GPR89A: variants seen among roughly 807,000 people sequenced by gnomAD.
GPR89A encodes golgi pH regulator A, also known as G protein-coupled receptor 89A.
A neutral mutation model predicts 52.0 loss-of-function variants in GPR89A; 16 were observed. The observed-to-expected ratio is 0.31, with a 90% CI of 0.21 to 0.47. The LOEUF (loss-of-function observed/expected upper bound fraction) is 0.47. GPR89A is among the 20% of genes least tolerant of loss of function. The probability of loss-of-function intolerance (pLI) is 1.00; values close to 1 mark genes in which losing one functional copy is unlikely to be tolerated. For missense variants in GPR89A, 135 were observed against 449.4 expected, an observed-to-expected ratio of 0.30 and a Z score of 6.33; for synonymous variants, 55 against 150.9, an observed-to-expected ratio of 0.36 and a Z score of 4.66.
At chr1:145,668,479 G>A (rs1387972224) in intron 12 of GPR89A, among the ~76,000 whole-genome samples, 1 of 152,130 alleles carries the variant, frequency 6.6e-6, no homozygotes, top group African/African-American at 2.4e-5. Flanking sequence ...GGGCTGAGAC[G>A]ATGGGGTTTT....
intron 3 of GPR89A, among the ~76,000 whole-genome samples, chr1:145,621,987 A>G (rs1649172296): frequency 6.7e-6 from 1 of 149,202 alleles, no homozygotes; most frequent in Admixed American, 6.7e-5. Context: ...AGGAAAATGT[A>G]AAATGATGCA....
At chr1:145,627,417 A>G (rs1447944792) in intron 5 of GPR89A, among the ~76,000 whole-genome samples, 2 of 151,800 alleles carry the variant, frequency 1.3e-5, no homozygotes, top group Non-Finnish European at 2.9e-5. Flanking sequence ...TGAACACCTC[A>G]TATGTGCCAA....
At chr1:145,639,402 A>G (rs587749449) in intron 7 of GPR89A, among the ~76,000 whole-genome samples, 1 of 152,274 alleles carries the variant, frequency 6.6e-6, no homozygotes, top group South Asian at 2.1e-4. Flanking sequence ...AGTAATCAAG[A>G]CTGTGGTACT....
intron 2 of GPR89A, among the ~76,000 whole-genome samples, chr1:145,617,178 T>C (rs1648765298): frequency 6.6e-6 from 1 of 152,030 alleles, no homozygotes; most frequent in Non-Finnish European, 1.5e-5. Flanking sequence ...TTCATAGACC[T>C]CTCTCCCAGA....
At chr1:145,640,026 C>T (rs1313605130) in intron 7 of GPR89A, among the ~76,000 whole-genome samples, 3 of 151,562 alleles carry the variant, frequency 2.0e-5, no homozygotes, top group South Asian at 2.1e-4. Context: ...AAGACTAGAC[C>T]GGCGAACATG....
chr1:145,649,258 ATGAGATTCC>A (rs1174592263), intron 10 of GPR89A, among the ~76,000 whole-genome samples: 2 of 151,954 alleles, frequency 1.3e-5, no homozygotes, highest in African/African-American at 4.8e-5. Flanking sequence ...CATCACTGCC[ATGAGATTCC>A]TGAGATTCCT....
intron 3 of GPR89A, among the ~76,000 whole-genome samples, chr1:145,619,483 A>C (rs192182432): frequency 2.0e-3 from 304 of 151,574 alleles, no homozygotes; most frequent in African/African-American, 7.0e-3. Context: ...GTGGTAGTAC[A>C]CGTCTGTAGT....
At chr1:145,652,566 A>G (rs1250849761) in intron 10 of GPR89A, among the ~76,000 whole-genome samples, 11 of 126,666 alleles carry the variant, frequency 8.7e-5, no homozygotes, top group Non-Finnish European at 1.6e-4. Flanking sequence ...TAGTTGCAGA[A>G]GAAATGGTAT....
chr1:145,669,579 G>A, intron 12 of GPR89A, 46 bp from the exon 13 acceptor site: 1 of 1,606,610 alleles, frequency 6.2e-7, no homozygotes, highest in Non-Finnish European at 8.5e-7. Flanking sequence ...TCGTGACACA[G>A]GAATCTAACA....
intron 1 of GPR89A, among the ~76,000 whole-genome samples, chr1:145,614,349 A>T (rs1317426443): frequency 6.6e-6 from 1 of 151,970 alleles, no homozygotes; most frequent in Non-Finnish European, 1.5e-5. Flanking sequence ...CTATCATTGC[A>T]CATCCATATT....
At chr1:145,619,782 A>G (rs1648992806) in intron 3 of GPR89A, among the ~76,000 whole-genome samples, 3 of 152,180 alleles carry the variant, frequency 2.0e-5, no homozygotes, top group Admixed American at 6.5e-5. Context: ...TTGGGAGGCC[A>G]AGGCAGGCGG....
At chr1:145,655,741 G>A (rs1553694403) in intron 10 of GPR89A, among the ~76,000 whole-genome samples, 1 of 152,194 alleles carries the variant, frequency 6.6e-6, no homozygotes, top group African/African-American at 2.4e-5. Context: ...GGCAACCCCT[G>A]GTGGGGGGTC....
chr1:145,639,978 G>A (rs587606008), intron 7 of GPR89A, among the ~76,000 whole-genome samples: 6 of 152,224 alleles, frequency 3.9e-5, no homozygotes, highest in Non-Finnish European at 8.8e-5. Context: ...AGCACTTTGG[G>A]AAGCCAAGGC....
At chr1:145,613,637 A>C (rs587757468) in intron 1 of GPR89A, among the ~76,000 whole-genome samples, 1 of 150,514 alleles carries the variant, frequency 6.6e-6, no homozygotes, top group East Asian at 2.0e-4. Flanking sequence ...TCCTTCTTTG[A>C]ATTTCATCTT....
intron 10 of GPR89A, among the ~76,000 whole-genome samples, chr1:145,660,991 A>G (rs1471995934): frequency 1.3e-5 from 2 of 152,094 alleles, no homozygotes; most frequent in African/African-American, 4.8e-5. Flanking sequence ...ATGCTGCTAT[A>G]AAGACACATG....
chr1:145,658,520 G>T (rs587718901), intron 10 of GPR89A, among the ~76,000 whole-genome samples: 1 of 150,272 alleles, frequency 6.7e-6, no homozygotes, highest in African/African-American at 2.5e-5. Context: ...CCAGCTACTC[G>T]GGAGGCTGAG....
chr1:145,663,529 T>C (rs1652353162), intron 11 of GPR89A, 105 bp downstream of exon 11: 3 of 1,346,382 alleles, frequency 2.2e-6, no homozygotes, highest in Non-Finnish European at 3.1e-6. Context: ...TTGCTTCTGC[T>C]TTTGTTCTTC....
rs1553688391 is a variant in GPR89A at position 145,623,063 on chromosome 1, T to C, written c.216T>C (p.Tyr72=). Residue 72 remains tyrosine, a synonymous_variant, in exon 4 of 14, where the codon TAT becomes TAC. Transcript: ENST00000313835. The part of the protein sequence containing the change: ...ILGVLNSSSR[Y]FHWKMNLCVI... ...TTGACATTTATTTCAGCTCCCGTTA[T>C]TTTCACTGGAAAATGAACCTGTGTG... 1 of 1,610,566 alleles carries C rather than the reference T, an allele frequency of 6.2e-7. No homozygotes were observed. Among genetic ancestry groups the C allele is most frequent in the Admixed American group, 1.7e-5 (1 of 59,706 alleles).
chr1:145,623,043 A>G lies in GPR89A; in HGVS notation c.207-11A>G, dbSNP rs782164068. The G allele has an allele frequency of 1.9e-6, 3 of 1,605,400 alleles. No homozygotes were observed. Among genetic ancestry groups the G allele is most frequent in the Middle Eastern group, 1.7e-4 (1 of 6,016 alleles). ...CTTCCTCCCAGTGACAGTCTTTGAC[A>G]TTTATTTCAGCTCCCGTTATTTTCA... On this transcript the variant is annotated splice_polypyrimidine_tract_variant and intron_variant, in intron 3 of 13. Transcript: ENST00000313835.
Sources: gnomAD v4.1 joint callset for allele counts (sites outside exome capture counted in the v4.1 genomes callset) on GRCh38, gnomAD v4.1.1 for gene constraint, MANE v1.5 for transcripts, NCBI Gene and HGNC (gene_info 2026-07-23, HGNC 2026-07-21) for gene names.